The following BRMS1 variants were observed in gnomAD, a reference collection of about 807,000 sequenced individuals.
The protein encoded by BRMS1 is breast cancer metastasis-suppressor 1.
In BRMS1, 26 loss-of-function variants were observed where a neutral mutation model predicts 40.4. That is an observed-to-expected ratio of 0.64 (90% confidence interval 0.47 to 0.89). The LOEUF is 0.89. Ranked by LOEUF, BRMS1 falls within the 40% of genes least tolerant of loss-of-function variation. The probability of loss-of-function intolerance (pLI) is 0.00; values close to 1 mark genes in which losing one functional copy is unlikely to be tolerated. For missense variants in BRMS1, 289 were observed against 309.4 expected, an observed-to-expected ratio of 0.93 and a Z score of 0.49; for synonymous variants, 103 against 116.0, an observed-to-expected ratio of 0.89 and a Z score of 0.72.
intron 7 of BRMS1, 40 bp downstream of exon 7, chr11:66,340,081 C>G (rs771815779): frequency 1.3e-6 from 2 of 1,579,916 alleles, no homozygotes; most frequent in Admixed American, 3.4e-5. Flanking sequence ...TTGACCCTTA[C>G]ATCCTGCCCA....
In BRMS1 at chr11:66,338,106, C is replaced by T. The variant is rs999127983; in HGVS notation, c.733+137G>A. 9.8e-6 allele frequency: 13 copies of T among 1,321,090 alleles called. No individual in the cohort carries two copies. The Admixed American group carries it at 2.6e-4, about 26-fold the overall frequency. 81.8% of individuals were successfully genotyped at this position (1,321,090 alleles called of 1,614,324 possible). A position where few individuals can be genotyped will look rare whatever the true frequency, so the allele number is the denominator to read the frequency against. On this transcript the variant is annotated intron_variant, in intron 9 of 9. Transcript: ENST00000359957. Reference sequence around the variant, plus strand: ...TCAAACTCCCACAAGCCCCTCAAATCTAGACCATCCTAACTTTCTTGAGCC... The same window carrying T: ...TCAAACTCCCACAAGCCCCTCAAATTTAGACCATCCTAACTTTCTTGAGCC...
rs942872961 is a variant in BRMS1 at position 66,338,095 on chromosome 11, G to T, written c.733+148C>A. 9.7e-6 allele frequency: 12 copies of T among 1,240,268 alleles called. No homozygotes were observed. In the Admixed American group the frequency reaches 2.8e-4, roughly 29 times the overall value. The allele number at this position is 1,240,268 out of a possible 1,614,324, so 76.8% of individuals were successfully genotyped here. ...GTTCCTGCTCCTCAAACTCCCACAA[G>T]CCCCTCAAATCTAGACCATCCTAAC... On this transcript the variant is annotated intron_variant, in intron 9 of 9. Coordinates refer to ENST00000359957, the MANE Select transcript of BRMS1 (RefSeq NM_015399.4).
chr11:66,341,325 C>G lies in BRMS1; in HGVS notation c.239G>C (p.Arg80Thr), dbSNP rs1426313088. Residue 80 changes from arginine to threonine, a missense_variant, in exon 4 of 10, where the codon AGG becomes ACG. By Grantham distance (71) the Arg-to-Thr change is moderately conservative (BLOSUM62 -1). Coordinates refer to ENST00000359957, the MANE Select transcript of BRMS1 (RefSeq NM_015399.4). The surrounding 1 kb of genome is among the most constrained non-coding windows in gnomAD (Gnocchi z 4.9). ...CAACCGCAGCTGACTCAGTCGTTCC[C>G]TGAACAACCTGCGTGGTAAAAAGGC... ...QFSELKEKLF[R>T]ERLSQLRLRL... The G allele has an allele frequency of 6.2e-7, 1 of 1,612,394 alleles. No homozygotes were observed. The highest frequency in any genetic ancestry group is 1.3e-5 in the African/African-American group (1 of 74,904).
chr11:66,338,686 G>A (rs897630007), intron 8 of BRMS1, 35 bp downstream of exon 8: 2 of 1,613,380 alleles, frequency 1.2e-6, no homozygotes, highest in African/African-American at 2.7e-5. Flanking sequence ...GGGCCCTGAG[G>A]TGGGGCAGGT....
In BRMS1 at chr11:66,338,223, G is replaced by C. The variant is rs751176636; in HGVS notation, c.733+20C>G. The C allele has an allele frequency of 5.0e-6, 8 of 1,609,666 alleles. No individual in the cohort carries two copies. In the South Asian group the frequency reaches 7.8e-5, roughly 16 times the overall value. ...ATGGCAAGGGGGCAGGGAAGGCCAT[G>C]CAACAGCCATGGTTCTTACCATCCG... On this transcript the variant is annotated intron_variant, in intron 9 of 9. Transcript: ENST00000359957.
rs1306422216 is a variant in BRMS1, at chr11:66,341,076, T to G, written c.359-30A>C. ...AGAGAAAGGGAGGAGGGTCCCTGCTTGGCTGGGGAGCCCGGTGCCCACATA... is the reference window on the plus strand; with the variant it reads ...AGAGAAAGGGAGGAGGGTCCCTGCTGGGCTGGGGAGCCCGGTGCCCACATA... On this transcript the variant is annotated intron_variant, in intron 4 of 9. Transcript: ENST00000359957. The surrounding 1 kb of genome is among the most constrained non-coding windows in gnomAD (Gnocchi z 4.9). 6.2e-7 allele frequency: 1 copy of G among 1,613,024 alleles called. No individual in the cohort carries two copies. The highest frequency in any genetic ancestry group is 2.2e-5 in the East Asian group (1 of 44,872).
At position 66,337,706 on chromosome 11, in the gene BRMS1, G is replaced by A. The variant is rs767847443; in HGVS notation, c.*176C>T. On this transcript the variant is annotated 3_prime_UTR_variant, in exon 10 of 10. Transcript: ENST00000359957. ...CACAGCTGTGCAGGCCTCGAGGAGGGCAGAGGAGGAGTCCAGGCCAGTGCC... is the reference window on the plus strand; with the variant it reads ...CACAGCTGTGCAGGCCTCGAGGAGGACAGAGGAGGAGTCCAGGCCAGTGCC... The A allele has an allele frequency of 5.0e-6, 8 of 1,604,162 alleles. No individual in the cohort carries two copies. Among genetic ancestry groups the A allele is most frequent in the Non-Finnish European group, 6.8e-6 (8 of 1,175,912 alleles).
At chr11:66,338,313 G>A (rs1156772960) in intron 8 of BRMS1, 31 bp from the exon 9 acceptor site, 1 of 1,595,900 alleles carries the variant, frequency 6.3e-7, no homozygotes, top group East Asian at 2.3e-5. Context: ...GCTCCCCTGA[G>A]AGCCCACCTC....
Position 66,341,982 on chromosome 11 carries a change from T to C in BRMS1, c.139+114A>G. On this transcript the variant is annotated intron_variant, in intron 2 of 9. Coordinates refer to ENST00000359957, the MANE Select transcript of BRMS1 (RefSeq NM_015399.4). The surrounding 1 kb of genome is among the most constrained non-coding windows in gnomAD (Gnocchi z 4.9). Reference sequence around the variant, plus strand: ...CAGGGTCTGTGTATGTGCTTGTGTGTAGGCGCTGTATGTGCATGTGCGTGC... The same window carrying C: ...CAGGGTCTGTGTATGTGCTTGTGTGCAGGCGCTGTATGTGCATGTGCGTGC... The C allele has an allele frequency of 8.3e-7, 1 of 1,205,102 alleles. No individual in the cohort carries two copies. The highest frequency in any genetic ancestry group is 1.4e-5 in the South Asian group (1 of 69,414). The allele number at this position is 1,205,102 out of a possible 1,614,324, so 74.7% of individuals were successfully genotyped here.
chr11:66,344,485 A>C (rs1855158766), intron 1 of BRMS1: 1 of 152,198 alleles, frequency 6.6e-6, no homozygotes, highest in African/African-American at 2.4e-5. Flanking sequence ...CTGTTAGTAT[A>C]TTCACTTTGT....
rs1257507871 is a variant in BRMS1 at position 66,341,888 on chromosome 11, G to C, written c.139+208C>G. The C allele has an allele frequency of 4.5e-6, 3 of 665,526 alleles. No individual in the cohort carries two copies. The African/African-American group carries it at 6.2e-5, about 14-fold the overall frequency. 41.2% of individuals were successfully genotyped at this position (665,526 alleles called of 1,614,324 possible). On this transcript the variant is annotated intron_variant, in intron 2 of 9. Coordinates refer to ENST00000359957, the MANE Select transcript of BRMS1 (RefSeq NM_015399.4). The surrounding 1 kb of genome is among the most constrained non-coding windows in gnomAD (Gnocchi z 4.9). ...GAAGGGGCTGTGTGTGTGCATACGT[G>C]CTTGTGTGTAGGGGCTGTGTGTGCG...
chr11:66,343,425 A>T (rs888056083), intron 1 of BRMS1, among the ~76,000 whole-genome samples: 1 of 152,160 alleles, frequency 6.6e-6, no homozygotes, highest in Admixed American at 6.5e-5. Context: ...AATGTCTTTG[A>T]CCTCACGGAG....
Position 66,341,631 on chromosome 11 carries a change from A to G in BRMS1, c.140-8T>C, listed in dbSNP as rs1483915832. 1 of 1,613,488 alleles carries G rather than the reference A, an allele frequency of 6.2e-7. No homozygotes were observed. The highest frequency in any genetic ancestry group is 8.5e-7 in the Non-Finnish European group (1 of 1,179,686). The stretch of plus-strand genomic sequence containing the variant: ...AGTCCTCATCATCCATCTCTGGGAC[A>G]AGAGGCCAGTAAGGGCTAGCTCTGG... On this transcript the variant is annotated splice_polypyrimidine_tract_variant and splice_region_variant and intron_variant, in intron 2 of 9. Transcript: ENST00000359957. This position sits in a 1 kb window ranked among gnomAD's most constrained non-coding sequence, Gnocchi z 4.9.
At position 66,337,849 on chromosome 11, in the gene BRMS1, C is replaced by T; in HGVS notation, c.*33G>A. ...AGAATCCTGGGTGCAGTGCCAGCTG[C>T]TCTGAGGGTCCCCCTGGCTGTGAAC... On this transcript the variant is annotated 3_prime_UTR_variant, in exon 10 of 10. Transcript: ENST00000359957. 6.2e-7 allele frequency: 1 copy of T among 1,614,220 alleles called. No homozygotes were observed. Among genetic ancestry groups the T allele is most frequent in the South Asian group, 1.1e-5 (1 of 91,088 alleles).
In BRMS1 at chr11:66,341,816, ATGCG is replaced by A; in HGVS notation, c.140-197_140-194del. The A allele has an allele frequency of 1.7e-6, 1 of 584,294 alleles. No homozygotes were observed. Among genetic ancestry groups the A allele is most frequent in the Non-Finnish European group, 3.0e-6 (1 of 332,108 alleles). The allele number at this position is 584,294 out of a possible 1,614,324, so 36.2% of individuals were successfully genotyped here. A position where few individuals can be genotyped will look rare whatever the true frequency, so the allele number is the denominator to read the frequency against. On this transcript the variant is annotated intron_variant, in intron 2 of 9. Transcript: ENST00000359957. This position sits in a 1 kb window ranked among gnomAD's most constrained non-coding sequence, Gnocchi z 4.9. ...TTGTGTGTAGGGGCTGTGTGTGCAT[ATGCG>A]TGCGTGCTTGTGTGAAGGGGCTGTG... is the stretch of plus-strand genomic sequence containing the variant.
In BRMS1 at chr11:66,341,010, T is replaced by C. The variant is rs1312673283; in HGVS notation, c.395A>G (p.Asn132Ser). Residue 132 changes from asparagine (N) to serine (S), a missense_variant, in exon 5 of 10, where the codon AAT becomes AGT. Coordinates refer to ENST00000359957, the MANE Select transcript of BRMS1 (RefSeq NM_015399.4). The surrounding 1 kb of genome is among the most constrained non-coding windows in gnomAD (Gnocchi z 4.9). The part of the protein sequence containing the change: ...YKGFCLDVIR[N>S]KYECELQGAK... The stretch of plus-strand genomic sequence containing the variant: ...TCCCTGCAGCTCACATTCGTACTTA[T>C]TCCTGATCACATCCAGACAGAAGCC... 6.2e-7 allele frequency: 1 copy of C among 1,614,118 alleles called. No homozygotes were observed. Among genetic ancestry groups the C allele is most frequent in the East Asian group, 2.2e-5 (1 of 44,876 alleles).
intron 7 of BRMS1, among the ~76,000 whole-genome samples, chr11:66,338,986 A>G (rs537857889): frequency 1.3e-5 from 2 of 152,036 alleles, no homozygotes; most frequent in East Asian, 3.9e-4. Flanking sequence ...GAGGACACCA[A>G]ATGTTGTTCC....
intron 7 of BRMS1, chr11:66,339,772 A>G (rs1855024583): frequency 4.9e-6 from 1 of 205,158 alleles, no homozygotes; most frequent in African/African-American, 2.3e-5. Context: ...AATTTTTGTT[A>G]TTTTTTCTAG....
chr11:66,340,105 T>G lies in BRMS1; in HGVS notation c.628+16A>C. ...ACATCCTGCCCACTTTTAGGCCACCTTGGGTGAAAGGATACCAGAAACCAG... is the reference window on the plus strand; with the variant it reads ...ACATCCTGCCCACTTTTAGGCCACCGTGGGTGAAAGGATACCAGAAACCAG... On this transcript the variant is annotated intron_variant, in intron 7 of 9. Transcript: ENST00000359957. The G allele has an allele frequency of 6.2e-7, 1 of 1,612,640 alleles. No individual in the cohort carries two copies. Among genetic ancestry groups the G allele is most frequent in the Non-Finnish European group, 8.5e-7 (1 of 1,179,356 alleles).
Sources: gnomAD v4.1 joint callset for allele counts (sites outside exome capture counted in the v4.1 genomes callset) on GRCh38, gnomAD v4.1.1 for gene constraint, Gnocchi (gnomAD v3.1) non-coding constraint, MANE v1.5 for transcripts, NCBI Gene and HGNC (gene_info 2026-07-23, HGNC 2026-07-21) for gene names.